The following NLGN1 variants were observed in gnomAD, a reference collection of about 807,000 sequenced individuals.
The protein encoded by NLGN1 is neuroligin 1.
A neutral mutation model predicts 65.5 loss-of-function variants in NLGN1; 12 were observed. The observed-to-expected ratio is 0.18, with a 90% CI of 0.12 to 0.30. NLGN1 has a LOEUF of 0.30. NLGN1 is among the 10% of genes least tolerant of loss of function. The pLI is 1.00. For missense variants in NLGN1, 750 were observed against 1,007.1 expected (o/e 0.74, Z 3.46); for synonymous variants, 350 against 359.5 (o/e 0.97, Z 0.30).
At chr3:173,645,244 T>A (rs1377840875) in intron 3 of NLGN1, among the ~76,000 whole-genome samples, 2 of 152,228 alleles carry the variant, frequency 1.3e-5, no homozygotes, top group Non-Finnish European at 2.9e-5. Context: ...GCAGTAATGT[T>A]GATGTACAAA....
intron 3 of NLGN1, among the ~76,000 whole-genome samples, chr3:173,609,540 T>A (rs1209618978): frequency 6.6e-6 from 1 of 151,968 alleles, no homozygotes; most frequent in Non-Finnish European, 1.5e-5. Flanking sequence ...CAATGACTCC[T>A]AGTACTGTCA....
intron 4 of NLGN1, chr3:173,920,906 T>G (rs1051769247): frequency 1.3e-5 from 2 of 152,046 alleles, no homozygotes; most frequent in African/African-American, 4.8e-5. Flanking sequence ...TACATATGTT[T>G]AAAATGAGAA....
At position 173,841,838 on chromosome 3, in the gene NLGN1, T is replaced by C. The variant is rs150367266; in HGVS notation, c.646+34006T>C. 6.2e-3 allele frequency among the ~76,000 whole-genome samples: 939 copies of C among 152,232 alleles called. 15 individuals are homozygous for C. Among genetic ancestry groups the C allele is most frequent in the African/African-American group, 0.021 (872 of 41,514 alleles). On this transcript the variant is annotated intron_variant, in intron 4 of 6. Coordinates refer to ENST00000457714, the Ensembl canonical transcript of NLGN1. ...AGAGAGGCAATGGAAAAATGCTAGT[T>C]ATTTTGACAGTCATGGGTGACAGTT...
At chr3:174,013,371 G>A (rs187090324) in intron 4 of NLGN1, among the ~76,000 whole-genome samples, 224 of 152,210 alleles carry the variant, frequency 1.5e-3, no homozygotes, top group Non-Finnish European at 1.8e-4. Flanking sequence ...TTGGATTTAA[G>A]ACCAATATCC....
intron 4 of NLGN1, among the ~76,000 whole-genome samples, chr3:174,246,014 C>T (rs1001576499): frequency 3.3e-5 from 5 of 152,134 alleles, no homozygotes; most frequent in African/African-American, 2.4e-5. Context: ...ATGTGACAAG[C>T]CCTAGGGAGA....
At chr3:173,871,087 G>A (rs977326200) in intron 4 of NLGN1, among the ~76,000 whole-genome samples, 3 of 152,114 alleles carry the variant, frequency 2.0e-5, no homozygotes, top group Non-Finnish European at 4.4e-5. Flanking sequence ...ATGTCTACAC[G>A]ATGAAGCTTC....
intron 3 of NLGN1, among the ~76,000 whole-genome samples, chr3:173,674,578 T>C (rs1762877418): frequency 6.6e-6 from 1 of 152,140 alleles, no homozygotes; most frequent in African/African-American, 2.4e-5. Flanking sequence ...GGAACATTTT[T>C]TAAAGGAATA....
chr3:173,518,471 A>T (rs1396685706), intron 2 of NLGN1, among the ~76,000 whole-genome samples: 1 of 150,704 alleles, frequency 6.6e-6, no homozygotes, highest in Admixed American at 6.6e-5. Flanking sequence ...ATAGTTATAT[A>T]TACTTATATA....
At chr3:173,470,958 G>C (rs1269176888) in intron 2 of NLGN1, among the ~76,000 whole-genome samples, 2 of 152,044 alleles carry the variant, frequency 1.3e-5, no homozygotes, top group Non-Finnish European at 2.9e-5. Context: ...TAAAAGAAAG[G>C]TGGAATCTGC....
intron 4 of NLGN1, among the ~76,000 whole-genome samples, chr3:174,222,263 C>A (rs1031591053): frequency 6.6e-6 from 1 of 151,818 alleles, no homozygotes; most frequent in Admixed American, 6.6e-5. Flanking sequence ...TTTATTTTAC[C>A]TGAAACCTCT....
intron 4 of NLGN1, among the ~76,000 whole-genome samples, chr3:173,944,124 G>GGGGTGTGTGTGT (rs1553897256): frequency 2.9e-5 from 4 of 139,512 alleles, no homozygotes; most frequent in African/African-American, 1.1e-4. Flanking sequence ...TAATATTATG[G>GGGGTGTGTGTGT]GTGTGTGTGT....
chr3:174,171,197 A>T (rs1277354948), intron 4 of NLGN1, among the ~76,000 whole-genome samples: 21 of 152,148 alleles, frequency 1.4e-4, no homozygotes, highest in Admixed American at 1.4e-3. Context: ...AATGAAATAC[A>T]TATCTTTTAC....
chr3:173,998,479 A>G (rs980641222), intron 4 of NLGN1, among the ~76,000 whole-genome samples: 8 of 152,222 alleles, frequency 5.3e-5, no homozygotes, highest in East Asian at 1.9e-4. Flanking sequence ...TGTACCTTCA[A>G]TGTCAGGATT....
At chr3:173,706,989 C>T (rs1768142277) in intron 3 of NLGN1, among the ~76,000 whole-genome samples, 1 of 152,204 alleles carries the variant, frequency 6.6e-6, no homozygotes, top group South Asian at 2.1e-4. Flanking sequence ...TTTTTTATTG[C>T]TCCTGTCAGA....
At chr3:174,057,579 G>T (rs1736435964) in intron 4 of NLGN1, 1 of 152,012 alleles carries the variant, frequency 6.6e-6, no homozygotes, top group African/African-American at 2.4e-5. Context: ...TATTTTTGTT[G>T]CCACCATGAG....
intron 3 of NLGN1, among the ~76,000 whole-genome samples, chr3:173,783,021 T>C (rs1781417814): frequency 6.6e-6 from 1 of 152,108 alleles, no homozygotes; most frequent in Non-Finnish European, 1.5e-5. Flanking sequence ...AATATATATG[T>C]ATAATTTATA....
chr3:174,159,366 G>A (rs1726072010), intron 4 of NLGN1, among the ~76,000 whole-genome samples: 1 of 151,640 alleles, frequency 6.6e-6, no homozygotes, highest in African/African-American at 2.4e-5. Flanking sequence ...CAATTTGTGG[G>A]CAATTTTTAA....
chr3:173,503,656 C>G (rs1001170673), intron 2 of NLGN1, among the ~76,000 whole-genome samples: 1 of 152,144 alleles, frequency 6.6e-6, no homozygotes, highest in East Asian at 1.9e-4. Context: ...CTGCAATTCT[C>G]CCTGGGAATG....
At chr3:174,149,248 C>T (rs1723886218) in intron 4 of NLGN1, among the ~76,000 whole-genome samples, 1 of 152,128 alleles carries the variant, frequency 6.6e-6, no homozygotes, top group African/African-American at 2.4e-5. Flanking sequence ...ATCACACAGT[C>T]ATAACTAGCC....
Sources: gnomAD v4.1 joint callset for allele counts (sites outside exome capture counted in the v4.1 genomes callset) on GRCh38, gnomAD v4.1.1 for gene constraint, MANE v1.5 for transcripts, NCBI Gene and HGNC (gene_info 2026-07-23, HGNC 2026-07-21) for gene names.